Variants in CHD7 observed in about 807,000 individuals in gnomAD.
CHD7 encodes the protein ATP-dependent chromatin remodeler CHD7.
CHD7 carries 24 observed loss-of-function variants against 307.3 expected under a neutral mutation model. The observed-to-expected ratio is 0.08, with a 90% CI of 0.06 to 0.11. The LOEUF (loss-of-function observed/expected upper bound fraction) is 0.11, where lower values mean the gene tolerates loss of function less well. Ranked by LOEUF, CHD7 falls within the 10% of genes least tolerant of loss-of-function variation. The pLI is 1.00. For missense variants in CHD7, 3,106 were observed against 3,727.1 expected, an observed-to-expected ratio of 0.83 and a Z score of 4.34; for synonymous variants, 1,363 against 1,349.9, an observed-to-expected ratio of 1.01 and a Z score of -0.21.
intron 1 of CHD7, among the ~76,000 whole-genome samples, chr8:60,695,543 T>G (rs185519049): frequency 1.3e-5 from 2 of 152,204 alleles, no homozygotes; most frequent in Non-Finnish European, 2.9e-5. Context: ...GTGTGTGTTG[T>G]AGCGTTGGGA....
chr8:60,773,020 T>G (rs1162875848), intron 2 of CHD7, among the ~76,000 whole-genome samples: 1 of 152,210 alleles, frequency 6.6e-6, no homozygotes, highest in Non-Finnish European at 1.5e-5. Flanking sequence ...TTCTGTCATT[T>G]CCATTCAGTC....
At chr8:60,829,737 C>G (rs142757372) in intron 14 of CHD7, among the ~76,000 whole-genome samples, 1 of 152,112 alleles carries the variant, frequency 6.6e-6, no homozygotes, top group Non-Finnish European at 1.5e-5. Context: ...TTTACGTGCC[C>G]CCTCCACTGA....
chr8:60,713,665 C>T (rs1416012735), intron 1 of CHD7, among the ~76,000 whole-genome samples: 1 of 152,064 alleles, frequency 6.6e-6, no homozygotes, highest in Non-Finnish European at 1.5e-5. Flanking sequence ...TGTTTGGAGG[C>T]CAGAGGTTTG....
At position 60,853,189 on chromosome 8, in the gene CHD7, C is replaced by T. The variant is rs754858730; in HGVS notation, c.6464C>T (p.Pro2155Leu). 6.2e-7 allele frequency: 1 copy of T among 1,613,904 alleles called. No individual in the cohort carries two copies. Among genetic ancestry groups the T allele is most frequent in the South Asian group, 1.1e-5 (1 of 91,064 alleles). The change falls in exon 31 of 38, where the codon CCA becomes CTA. Residue 2155 changes from proline (P) to leucine (L), a missense_variant. Physicochemically the swap from Pro to Leu is moderately conservative, Grantham distance 98. This residue lies in a region of CHD7 where 1,030 missense variants were observed against 1,165.4 expected (regional missense o/e 0.88). Coordinates refer to ENST00000423902, the MANE Select transcript of CHD7 (RefSeq NM_017780.4). ...PLAVGFVQTPPVISSAHIQDE... is the reference protein window; with the variant it reads ...PLAVGFVQTPLVISSAHIQDE... ...GCAGTTGGATTTGTCCAGACTCCTC[C>T]AGTCATCTCATCTGCTCATATTCAA...
Position 60,777,224 on chromosome 8 carries a change from CAT to C in CHD7, c.1666-3775_1666-3774del, listed in dbSNP as rs531158966. On this transcript the variant is annotated intron_variant, in intron 2 of 37. Coordinates refer to ENST00000423902, the MANE Select transcript of CHD7 (RefSeq NM_017780.4). Reference sequence around the variant, plus strand: ...TTAGACTTGTTTGTATGTAAATAAACATGTAAATAAATACATTTGTCTGTAAA... The same window carrying C: ...TTAGACTTGTTTGTATGTAAATAAACGTAAATAAATACATTTGTCTGTAAA... Among the ~76,000 whole-genome samples the C allele has an allele frequency of 2.2e-3, 337 of 152,224 alleles. 2 individuals are homozygous for C. Among genetic ancestry groups the C allele is most frequent in the African/African-American group, 7.8e-3 (325 of 41,554 alleles).
intron 1 of CHD7, among the ~76,000 whole-genome samples, chr8:60,711,720 C>G (rs1807289236): frequency 6.6e-6 from 1 of 152,166 alleles, no homozygotes; most frequent in African/African-American, 2.4e-5. Flanking sequence ...TAACATGACA[C>G]AGACATATTA....
intron 2 of CHD7, among the ~76,000 whole-genome samples, chr8:60,770,216 G>T (rs1810645247): frequency 6.6e-6 from 1 of 152,200 alleles, no homozygotes; most frequent in South Asian, 2.1e-4. Flanking sequence ...TTGAGGGATT[G>T]TATTCAGATA....
chr8:60,857,912 C>T (rs1805786057), intron 34 of CHD7, among the ~76,000 whole-genome samples: 2 of 152,268 alleles, frequency 1.3e-5, no homozygotes, highest in South Asian at 4.2e-4. Context: ...TTTCTTTGCC[C>T]TCTGGTGGGG....
intron 3 of CHD7, among the ~76,000 whole-genome samples, chr8:60,793,293 G>A (rs895111994): frequency 5.3e-5 from 8 of 151,928 alleles, no homozygotes; most frequent in South Asian, 2.1e-4. Context: ...TGGATCTTTC[G>A]GAGACAGTTT....
chr8:60,819,057 G>A (rs977405670), intron 8 of CHD7, among the ~76,000 whole-genome samples: 52 of 152,082 alleles, frequency 3.4e-4, no homozygotes, highest in African/African-American at 1.2e-3. Context: ...GGGTTCAGGC[G>A]ATTCTCCTGC....
chr8:60,837,595 A>G, intron 17 of CHD7, 73 bp from the exon 18 acceptor site: 1 of 1,292,148 alleles, frequency 7.7e-7, no homozygotes, highest in Non-Finnish European at 1.1e-6. Flanking sequence ...TGAGGGTTTC[A>G]GCATATGAAT....
At chr8:60,713,491 G>A (rs1169786165) in intron 1 of CHD7, among the ~76,000 whole-genome samples, 2 of 152,168 alleles carry the variant, frequency 1.3e-5, no homozygotes, top group East Asian at 3.8e-4. Flanking sequence ...AGAATATAGA[G>A]GGTGATAGGC....
chr8:60,786,554 T>G (rs563400788), intron 3 of CHD7, among the ~76,000 whole-genome samples: 2 of 138,890 alleles, frequency 1.4e-5, no homozygotes, highest in Non-Finnish European at 3.2e-5. Flanking sequence ...ACTTTCAACT[T>G]CCACTGCACC....
intron 1 of CHD7, among the ~76,000 whole-genome samples, chr8:60,708,836 T>C (rs1024052334): frequency 6.6e-6 from 1 of 152,238 alleles, no homozygotes; most frequent in African/African-American, 2.4e-5. Flanking sequence ...TTACCTTATA[T>C]TGTCCTTTCA....
Position 60,850,550 on chromosome 8 carries a change from T to G in CHD7, c.5462T>G (p.Val1821Gly). The change falls in exon 26 of 38, where the codon GTC becomes GGC. Residue 1821 changes from valine to glycine, a missense_variant. Val to Gly is a moderately radical substitution (Grantham distance 109, BLOSUM62 -3). Transcript: ENST00000423902. ...ADPALCFLERVGMPDAKAIAA... is the reference protein window; with the variant it reads ...ADPALCFLERGGMPDAKAIAA... The stretch of plus-strand genomic sequence containing the variant: ...CCCGCGCTGTGCTTTCTGGAACGAG[T>G]CGGTATGCCTGATGCCAAGGCCATA... 6.2e-7 allele frequency: 1 copy of G among 1,613,310 alleles called. No homozygotes were observed. Among genetic ancestry groups the G allele is most frequent in the Non-Finnish European group, 8.5e-7 (1 of 1,179,642 alleles).
At chr8:60,699,492 G>A (rs148396602) in intron 1 of CHD7, among the ~76,000 whole-genome samples, 4 of 151,972 alleles carry the variant, frequency 2.6e-5, no homozygotes, top group African/African-American at 9.7e-5. Context: ...TAATGTGATA[G>A]GTCTTATTTT....
intron 6 of CHD7, among the ~76,000 whole-genome samples, chr8:60,801,920 C>T (rs1387211436): frequency 4.6e-5 from 7 of 152,150 alleles, no homozygotes; most frequent in Non-Finnish European, 7.3e-5. Context: ...CATGAATTTA[C>T]TTCTAATCTC....
At chr8:60,845,477 C>T (rs1056330698) in intron 23 of CHD7, 68 bp downstream of exon 23, 17 of 1,506,850 alleles carry the variant, frequency 1.1e-5, no homozygotes, top group African/African-American at 4.2e-5. Context: ...TACATGCAGC[C>T]GGCCCTTCAC....
intron 1 of CHD7, among the ~76,000 whole-genome samples, chr8:60,694,643 C>T (rs921270416): frequency 2.0e-5 from 3 of 152,244 alleles, no homozygotes; most frequent in African/African-American, 7.2e-5. Context: ...AGCCCTTTGT[C>T]TCTGGTGTCC....
Sources: allele counts gnomAD v4.1 joint callset (sites outside exome capture counted in the v4.1 genomes callset), GRCh38; gene constraint gnomAD v4.1.1; regional missense constraint gnomAD v4.1.1; transcripts MANE v1.5; gene names NCBI Gene and HGNC (gene_info 2026-07-23, HGNC 2026-07-21).